The following BMPR1A variants were observed in gnomAD, a reference collection of about 807,000 sequenced individuals.
The protein encoded by BMPR1A is bone morphogenetic protein receptor type 1A.
Under a neutral mutation model 66.0 loss-of-function variants are expected in BMPR1A, and 7 were observed. The observed-to-expected ratio is 0.11, with a 90% CI of 0.06 to 0.20. The LOEUF (loss-of-function observed/expected upper bound fraction) is 0.20. Ranked by LOEUF, BMPR1A falls within the 10% of genes least tolerant of loss-of-function variation. The pLI, the probability that BMPR1A is intolerant of heterozygous loss-of-function variation, is 1.00. For missense variants in BMPR1A, 408 were observed against 669.1 expected (o/e 0.61, Z 4.31); for synonymous variants, 200 against 229.7 (o/e 0.87, Z 1.17).
At chr10:86,819,786 A>G (rs1364267348) in intron 1 of BMPR1A, among the ~76,000 whole-genome samples, 5 of 152,194 alleles carry the variant, frequency 3.3e-5, no homozygotes, top group Admixed American at 2.0e-4. Context: ...CAGGCATACC[A>G]TGGGTTCTTC....
intron 1 of BMPR1A, among the ~76,000 whole-genome samples, chr10:86,762,570 G>C (rs1268150119): frequency 6.6e-6 from 1 of 152,182 alleles, no homozygotes; most frequent in African/African-American, 2.4e-5. Flanking sequence ...TCGTGGGCCA[G>C]GCTGGTCTCA....
intron 7 of BMPR1A, among the ~76,000 whole-genome samples, chr10:86,908,567 A>C (rs1442820512): frequency 6.6e-6 from 1 of 152,176 alleles, no homozygotes; most frequent in African/African-American, 2.4e-5. Flanking sequence ...GTTTAGGTGC[A>C]GAAGGAAGGG....
At chr10:86,868,237 G>A (rs567436045) in intron 2 of BMPR1A, among the ~76,000 whole-genome samples, 44 of 152,194 alleles carry the variant, frequency 2.9e-4, no homozygotes, top group African/African-American at 9.4e-4. Flanking sequence ...TAAGATTTCT[G>A]TGTATTACCT....
intron 1 of BMPR1A, among the ~76,000 whole-genome samples, chr10:86,835,274 AC>A (rs1252126215): frequency 6.6e-6 from 1 of 150,936 alleles, no homozygotes; most frequent in East Asian, 1.9e-4. Context: ...CAGAAAAAAA[AC>A]AAACAAGTGT....
chr10:86,861,799 G>A (rs1297686908), intron 2 of BMPR1A, among the ~76,000 whole-genome samples: 3 of 152,162 alleles, frequency 2.0e-5, no homozygotes, highest in African/African-American at 4.8e-5. Flanking sequence ...TTTCCTCACC[G>A]GATCTTGACA....
intron 2 of BMPR1A, among the ~76,000 whole-genome samples, chr10:86,866,407 T>TTTTCTTTTTC (rs1435377103): frequency 9.2e-6 from 1 of 109,044 alleles, no homozygotes; most frequent in South Asian, 3.2e-4. Context: ...TTCTTTTTTT[T>TTTTCTTTTTC]TTTTTTTTTT....
intron 1 of BMPR1A, among the ~76,000 whole-genome samples, chr10:86,812,718 A>G (rs764372128): frequency 7.2e-5 from 11 of 152,028 alleles, no homozygotes; most frequent in East Asian, 1.9e-4. Flanking sequence ...TATCCCCCCA[A>G]TCCACATGTA....
chr10:86,862,017 C>T (rs1842719092), intron 2 of BMPR1A, among the ~76,000 whole-genome samples: 1 of 152,144 alleles, frequency 6.6e-6, no homozygotes, highest in Admixed American at 6.5e-5. Flanking sequence ...TATTTAGTAT[C>T]GACTCTGTGC....
At chr10:86,844,948 G>T (rs1461301673) in intron 2 of BMPR1A, among the ~76,000 whole-genome samples, 1 of 152,088 alleles carries the variant, frequency 6.6e-6, no homozygotes, top group Non-Finnish European at 1.5e-5. Flanking sequence ...AGCTAATTTT[G>T]TATTTTTAGT....
At chr10:86,902,675 A>T (rs1843330220) in intron 7 of BMPR1A, among the ~76,000 whole-genome samples, 1 of 152,224 alleles carries the variant, frequency 6.6e-6, no homozygotes, top group African/African-American at 2.4e-5. Context: ...GCTGTGAAGG[A>T]TACTGATCTC....
chr10:86,791,449 T>C (rs935287200), intron 1 of BMPR1A, among the ~76,000 whole-genome samples: 5 of 151,788 alleles, frequency 3.3e-5, no homozygotes, highest in Admixed American at 3.3e-4. Flanking sequence ...CCTCACCTCG[T>C]GATGTCCCCG....
intron 3 of BMPR1A, among the ~76,000 whole-genome samples, chr10:86,886,596 AG>A (rs770615240): frequency 6.6e-6 from 1 of 152,178 alleles, no homozygotes; most frequent in Non-Finnish European, 1.5e-5. Flanking sequence ...TCATGGCTAG[AG>A]GGGGTACATC....
At chr10:86,901,722 C>T (rs1843312852) in intron 7 of BMPR1A, among the ~76,000 whole-genome samples, 1 of 152,084 alleles carries the variant, frequency 6.6e-6, no homozygotes, top group Non-Finnish European at 1.5e-5. Context: ...GCTCAAAGTC[C>T]CTTTGTCAAA....
chr10:86,888,896 A>G (rs35327706), intron 3 of BMPR1A, among the ~76,000 whole-genome samples: 5,752 of 151,812 alleles, frequency 0.038, 223 homozygotes, highest in African/African-American at 0.091. Flanking sequence ...ACTATTTAGC[A>G]GCACTTTTTC....
intron 1 of BMPR1A, among the ~76,000 whole-genome samples, chr10:86,783,442 TAC>T (rs1841467166): frequency 6.6e-6 from 1 of 152,234 alleles, no homozygotes; most frequent in Non-Finnish European, 1.5e-5. Context: ...GGATAGTATG[TAC>T]ATTTTAACAA....
Position 86,890,177 on chromosome 10 carries a change from C to CTATT in BMPR1A, c.184_187dup (p.Cys63LeufsTer9), listed in dbSNP as rs1589763427. ...AGGATACCTTGCCTTTTTTAAAGTG[C>CTATT]TATTGCTCAGGGCACTGTCCAGATG... On this transcript the variant is annotated frameshift_variant, in exon 4 of 13. Transcript: ENST00000372037. LOFTEE classifies it high-confidence loss of function. 1 of 1,614,112 alleles carries CTATT rather than the reference C, an allele frequency of 6.2e-7. No homozygotes were observed. Among genetic ancestry groups the CTATT allele is most frequent in the Non-Finnish European group, 8.5e-7 (1 of 1,180,014 alleles).
chr10:86,884,903 C>T (rs1354108502), intron 3 of BMPR1A, among the ~76,000 whole-genome samples: 3 of 152,094 alleles, frequency 2.0e-5, no homozygotes, highest in Non-Finnish European at 2.9e-5. Flanking sequence ...CTGATTTATG[C>T]AGTTTTTATG....
At chr10:86,929,910 A>G (rs1324971445), downstream of BMPR1A, 1 of 152,258 alleles carries the variant, frequency 6.6e-6, no homozygotes, top group Non-Finnish European at 1.5e-5. Flanking sequence ...ACAGTAAGTC[A>G]GTTACTAAGT....
In BMPR1A at chr10:86,906,723, CAAAAAAAAAAAAAAAAAAAAAAAAA is replaced by C. The variant is rs929716555; in HGVS notation, c.531-5502_531-5478del. On this transcript the variant is annotated intron_variant, in intron 7 of 12. Transcript: ENST00000372037. Reference sequence around the variant, plus strand: ...TGGGCGACAGAGTGAGACTCCGTCTCAAAAAAAAAAAAAAAAAAAAAAAAAAAAAAAAAAAAAAACACTTTGTCCT... The same window carrying C: ...TGGGCGACAGAGTGAGACTCCGTCTCAAAAAAAAAAAAAACACTTTGTCCT... Among the ~76,000 whole-genome samples the C allele has an allele frequency of 8.4e-4, 9 of 10,698 alleles. 3 individuals are homozygous for C. In the East Asian group the frequency reaches 0.08, roughly 95 times the overall value. 7.0% of individuals were successfully genotyped at this position (10,698 alleles called of 152,430 possible).
Sources: gnomAD v4.1 joint callset for allele counts (sites outside exome capture counted in the v4.1 genomes callset) on GRCh38, gnomAD v4.1.1 for gene constraint, MANE v1.5 for transcripts, NCBI Gene and HGNC (gene_info 2026-07-23, HGNC 2026-07-21) for gene names.